The following PTPRN2 variants were observed in gnomAD, a reference collection of about 807,000 sequenced individuals.
PTPRN2 encodes receptor-type tyrosine-protein phosphatase N2.
PTPRN2 carries 74 observed loss-of-function variants against 118.8 expected under a neutral mutation model. The ratio of observed to expected loss-of-function variants is 0.62; its 90% CI spans 0.52 to 0.76. The LOEUF (loss-of-function observed/expected upper bound fraction) is 0.76. Ranked by LOEUF, PTPRN2 falls within the 30% of genes least tolerant of loss-of-function variation. The pLI, the probability that PTPRN2 is intolerant of heterozygous loss-of-function variation, is 0.00. For missense variants in PTPRN2, 1,481 were observed against 1,394.4 expected (o/e 1.06, Z -0.99); for synonymous variants, 641 against 608.0 (o/e 1.05, Z -0.80).
At chr7:158,026,344 C>T (rs1214837595) in intron 11 of PTPRN2, among the ~76,000 whole-genome samples, 4 of 151,828 alleles carry the variant, frequency 2.6e-5, no homozygotes, top group African/African-American at 7.2e-5. Flanking sequence ...GGGCTGGGCT[C>T]GCTGGGGGGG....
At chr7:157,695,710 A>AT (rs1375473146) in intron 12 of PTPRN2, among the ~76,000 whole-genome samples, 1 of 152,246 alleles carries the variant, frequency 6.6e-6, no homozygotes, top group South Asian at 2.1e-4. Flanking sequence ...ACCAGTAGTT[A>AT]TTTTTTCAAG....
At chr7:158,263,634 T>G (rs1797683675) in intron 3 of PTPRN2, among the ~76,000 whole-genome samples, 2 of 152,152 alleles carry the variant, frequency 1.3e-5, no homozygotes, top group Non-Finnish European at 2.9e-5. Flanking sequence ...ACTTCCAAAT[T>G]CCTCTCCCGG....
chr7:158,343,055 G>T (rs751835297), intron 2 of PTPRN2, among the ~76,000 whole-genome samples: 46 of 152,126 alleles, frequency 3.0e-4, no homozygotes, highest in Non-Finnish European at 6.3e-4. Context: ...ATCTCAAAAA[G>T]AAAGAATGTA....
intron 3 of PTPRN2, among the ~76,000 whole-genome samples, chr7:158,308,924 T>A (rs1433197698): frequency 6.6e-6 from 1 of 151,926 alleles, no homozygotes; most frequent in African/African-American, 2.4e-5. Flanking sequence ...TGAAGCTGAC[T>A]CAAGAAGAAA....
At chr7:157,843,397 G>C (rs757003712) in intron 12 of PTPRN2, among the ~76,000 whole-genome samples, 1 of 152,060 alleles carries the variant, frequency 6.6e-6, no homozygotes, top group African/African-American at 2.4e-5. Flanking sequence ...GGTGGTAGGG[G>C]GGCCGGCGTG....
chr7:158,460,177 C>T (rs553474987), intron 2 of PTPRN2, among the ~76,000 whole-genome samples: 73 of 83,698 alleles, frequency 8.7e-4, no homozygotes, highest in African/African-American at 3.4e-3. Context: ...GGCTGTGTGC[C>T]GTGAGCACAG....
At chr7:158,095,107 T>C (rs952383558) in intron 10 of PTPRN2, among the ~76,000 whole-genome samples, 2 of 152,002 alleles carry the variant, frequency 1.3e-5, no homozygotes, top group Non-Finnish European at 1.5e-5. Context: ...CAGCCTTTCC[T>C]GCAGGAGGTG....
At position 157,953,402 on chromosome 7, in the gene PTPRN2, C is replaced by T. The variant is rs755811335; in HGVS notation, c.1724-54665G>A. ...AGGAGCAGGGGCTGGCGGCACTCCC[C>T]GGGCACAGAGGGAACGGCCTGGGTG... On this transcript the variant is annotated intron_variant, in intron 11 of 22. Coordinates refer to ENST00000389418, the MANE Select transcript of PTPRN2 (RefSeq NM_002847.5). The surrounding 1 kb of genome is among the most constrained non-coding windows in gnomAD (Gnocchi z 4.6). 5.3e-5 allele frequency among the ~76,000 whole-genome samples: 8 copies of T among 152,048 alleles called. No individual in the cohort carries two copies. In the East Asian group the frequency reaches 1.2e-3, roughly 22 times the overall value.
At chr7:158,253,544 A>C (rs553919584) in intron 3 of PTPRN2, among the ~76,000 whole-genome samples, 26 of 152,266 alleles carry the variant, frequency 1.7e-4, no homozygotes, top group African/African-American at 6.3e-4. Context: ...TCTCCAGAGC[A>C]CACGCCAGAC....
intron 5 of PTPRN2, among the ~76,000 whole-genome samples, chr7:158,183,488 T>C (rs1323113242): frequency 6.6e-6 from 1 of 152,154 alleles, no homozygotes; most frequent in Non-Finnish European, 1.5e-5. Context: ...CAAATTTCAG[T>C]TGGGAGCTTC....
chr7:158,151,635 G>C (rs1490626483), intron 6 of PTPRN2, among the ~76,000 whole-genome samples: 2 of 152,126 alleles, frequency 1.3e-5, no homozygotes. Context: ...AGCTTCAGGA[G>C]GTGAAATACT....
chr7:158,109,539 G>A (rs1235311901), intron 10 of PTPRN2, among the ~76,000 whole-genome samples: 1 of 151,812 alleles, frequency 6.6e-6, no homozygotes, highest in Non-Finnish European at 1.5e-5. Context: ...AGGAGCCAGT[G>A]AGTGAATGAC....
intron 11 of PTPRN2, among the ~76,000 whole-genome samples, chr7:157,924,254 A>C (rs887916806): frequency 2.0e-5 from 3 of 152,086 alleles, no homozygotes; most frequent in Non-Finnish European, 4.4e-5. Flanking sequence ...TTGAAGCCAC[A>C]CTCGTTCTCC....
chr7:158,383,450 T>C (rs1057371251), intron 2 of PTPRN2, among the ~76,000 whole-genome samples: 2 of 152,188 alleles, frequency 1.3e-5, no homozygotes, highest in South Asian at 2.1e-4. Flanking sequence ...AAAGGAGAGA[T>C]TGCCCTCACC....
chr7:157,756,789 G>C (rs1287130972), intron 12 of PTPRN2, among the ~76,000 whole-genome samples: 2 of 146,014 alleles, frequency 1.4e-5, no homozygotes, highest in South Asian at 4.4e-4. Context: ...CAGGAGAAGG[G>C]AGGAAAAAAA....
At chr7:157,821,988 T>C (rs1415318963) in intron 12 of PTPRN2, among the ~76,000 whole-genome samples, 1 of 151,178 alleles carries the variant, frequency 6.6e-6, no homozygotes, top group African/African-American at 2.4e-5. Flanking sequence ...ACACTATCCA[T>C]CATCCATCCA....
chr7:157,798,905 C>G (rs1160806129), intron 12 of PTPRN2, among the ~76,000 whole-genome samples: 1 of 152,208 alleles, frequency 6.6e-6, no homozygotes, highest in Non-Finnish European at 1.5e-5. Flanking sequence ...AGGGACTCCA[C>G]TTCTTCTCAG....
intron 13 of PTPRN2, among the ~76,000 whole-genome samples, chr7:157,675,922 T>A (rs1796645125): frequency 6.6e-6 from 1 of 152,004 alleles, no homozygotes; most frequent in Non-Finnish European, 1.5e-5. Context: ...GGAGAAAAAG[T>A]TAAAAGATGA....
At chr7:157,825,668 T>A (rs569113417) in intron 12 of PTPRN2, among the ~76,000 whole-genome samples, 12 of 152,190 alleles carry the variant, frequency 7.9e-5, no homozygotes, top group Non-Finnish European at 1.3e-4. Flanking sequence ...CATTTGTTCA[T>A]GTCTGAGTTC....
Sources: allele counts gnomAD v4.1 joint callset (sites outside exome capture counted in the v4.1 genomes callset), GRCh38; gene constraint gnomAD v4.1.1; non-coding constraint Gnocchi (gnomAD v3.1); transcripts MANE v1.5; gene names NCBI Gene and HGNC (gene_info 2026-07-23, HGNC 2026-07-21).